SPTSSA: variants seen among roughly 807,000 people sequenced by gnomAD.
SPTSSA encodes the protein serine palmitoyltransferase small subunit A, also known as small subunit of serine palmitoyltransferase A.
A neutral mutation model predicts 9.1 loss-of-function variants in SPTSSA; 8 were observed. That is an observed-to-expected ratio of 0.88 (90% CI 0.51 to 1.58). The LOEUF (loss-of-function observed/expected upper bound fraction) is 1.58, where lower values mean the gene tolerates loss of function less well. Ranked by LOEUF, SPTSSA falls within the 40% of genes most tolerant of loss-of-function variation. The pLI is 0.00. For synonymous variants in SPTSSA, 42 were observed against 37.7 expected, an observed-to-expected ratio of 1.11 and a Z score of -0.41; for missense variants, 100 against 93.8, an observed-to-expected ratio of 1.07 and a Z score of -0.27.
At chr14:34,435,370 A>G in intron 1 of SPTSSA, 66 bp from the exon 2 acceptor site, 1 of 1,168,760 alleles carries the variant, frequency 8.6e-7, no homozygotes. Context: ...ACATGTCTTC[A>G]ACAACTCTTT....
In SPTSSA at chr14:34,435,042, T is replaced by C; in HGVS notation, c.*159A>G. ...AATTAAAAATAAAGAACACAACACA[T>C]GAGTCAGGATGATTTTCCTGTTCTA... On this transcript the variant is annotated 3_prime_UTR_variant, in exon 2 of 2. Transcript: ENST00000298130. 2.0e-6 allele frequency: 1 copy of C among 500,740 alleles called. No homozygotes were observed. The highest frequency in any genetic ancestry group is 3.6e-6 in the Non-Finnish European group (1 of 277,434). The allele number at this position is 500,740 out of a possible 1,614,324, so 31.0% of individuals were successfully genotyped here.
chr14:34,451,858 T>C (rs1367905531), intron 1 of SPTSSA, among the ~76,000 whole-genome samples: 2 of 152,162 alleles, frequency 1.3e-5, no homozygotes, highest in Non-Finnish European at 1.5e-5. Context: ...TGCTGTTTAC[T>C]GAAAAGCAAT....
At position 34,457,765 on chromosome 14, in the gene SPTSSA, A is replaced by G. The variant is rs140328560; in HGVS notation, c.112+4331T>C. On this transcript the variant is annotated intron_variant, in intron 1 of 1. Coordinates refer to ENST00000298130, the MANE Select transcript of SPTSSA (RefSeq NM_138288.4). ...AGTGGGGGGATCACTTGAGGTCAGG[A>G]GTTCAAGATCAGCCTGGCTAACATG... Among the ~76,000 whole-genome samples the G allele has an allele frequency of 4.5e-3, 678 of 152,210 alleles. 4 individuals are homozygous for G. The highest frequency in any genetic ancestry group is 0.014 in the African/African-American group (598 of 41,518).
Position 34,448,770 on chromosome 14 carries a change from C to A in SPTSSA, c.112+13326G>T, listed in dbSNP as rs865784769. ...GTTCAAGATGCCAAGAACCAGGATA[C>A]CCTCCACCATTAACACCAAGAATAT... On this transcript the variant is annotated intron_variant, in intron 1 of 1. Transcript: ENST00000298130. 3.9e-5 allele frequency among the ~76,000 whole-genome samples: 6 copies of A among 152,208 alleles called. No individual in the cohort carries two copies. The South Asian group carries it at 1.0e-3, about 26-fold the overall frequency.
rs762008403 is a variant in SPTSSA at position 34,434,249 on chromosome 14, AC to A, written c.*951del. The A allele has an allele frequency of 7.2e-5, 11 of 152,640 alleles. No individual in the cohort carries two copies. The highest frequency in any genetic ancestry group is 1.3e-4 in the Admixed American group (2 of 15,278). The allele number at this position is 152,640 out of a possible 1,614,324, so 9.5% of individuals were successfully genotyped here. A position where few individuals can be genotyped will look rare whatever the true frequency, so the allele number is the denominator to read the frequency against. On this transcript the variant is annotated 3_prime_UTR_variant, in exon 2 of 2. Transcript: ENST00000298130. ...TTAAGGAATAAAAACCTTAAAAAAA[AC>A]AATACAAAGAGTGAAAGGATTTTAA...
At chr14:34,447,090 G>A (rs139981526) in intron 1 of SPTSSA, among the ~76,000 whole-genome samples, 1,645 of 151,894 alleles carry the variant, frequency 0.011, 33 homozygotes, top group African/African-American at 0.038. Flanking sequence ...CGGCCGTGGT[G>A]GCAGGCACCT....
chr14:34,448,166 G>A (rs1043931950), intron 1 of SPTSSA, among the ~76,000 whole-genome samples: 12 of 152,010 alleles, frequency 7.9e-5, no homozygotes, highest in African/African-American at 2.9e-4. Flanking sequence ...TGAGGCAGGA[G>A]AATCGCTTGA....
At chr14:34,456,653 T>C (rs1878482546) in intron 1 of SPTSSA, among the ~76,000 whole-genome samples, 1 of 151,494 alleles carries the variant, frequency 6.6e-6, no homozygotes, top group Non-Finnish European at 1.5e-5. Flanking sequence ...ATCCCAGCAC[T>C]TTGGGAGGCT....
Position 34,461,519 on chromosome 14 carries a change from TAC to T in SPTSSA, c.112+575_112+576del, listed in dbSNP as rs142457550. Among the ~76,000 whole-genome samples, 1,423 of 152,296 alleles carry T rather than the reference TAC, an allele frequency of 9.3e-3. 11 individuals are homozygous for T. Among genetic ancestry groups the T allele is most frequent in the Non-Finnish European group, 0.013 (903 of 68,026 alleles). On this transcript the variant is annotated intron_variant, in intron 1 of 1. Coordinates refer to ENST00000298130, the MANE Select transcript of SPTSSA (RefSeq NM_138288.4). ...ACGGACGGTGCACAGAAGCAATAAA[TAC>T]ACTTTTAAAACTCCCCAACTTGAAG...
At chr14:34,439,551 C>T (rs1384760310) in intron 1 of SPTSSA, among the ~76,000 whole-genome samples, 2 of 152,156 alleles carry the variant, frequency 1.3e-5, no homozygotes, top group Non-Finnish European at 2.9e-5. Flanking sequence ...GACTACCATG[C>T]TACTTTTCCA....
chr14:34,450,233 C>T (rs1883495772), intron 1 of SPTSSA, among the ~76,000 whole-genome samples: 1 of 152,146 alleles, frequency 6.6e-6, no homozygotes, highest in Non-Finnish European at 1.5e-5. Flanking sequence ...CCAAGTTCAT[C>T]CTGCTACTAA....
intron 1 of SPTSSA, among the ~76,000 whole-genome samples, chr14:34,442,568 C>A (rs1183991009): frequency 6.6e-6 from 1 of 152,210 alleles, no homozygotes; most frequent in Non-Finnish European, 1.5e-5. Context: ...TAATACTAGG[C>A]CCTCCTTAGA....
chr14:34,440,140 AAAT>A (rs1361732641), intron 1 of SPTSSA, among the ~76,000 whole-genome samples: 2 of 152,232 alleles, frequency 1.3e-5, no homozygotes, highest in Admixed American at 6.5e-5. Context: ...TTAAACAGAG[AAAT>A]AATATTATTT....
intron 1 of SPTSSA, among the ~76,000 whole-genome samples, chr14:34,461,675 AG>A (rs1878617113): frequency 1.3e-5 from 2 of 152,382 alleles, no homozygotes; most frequent in South Asian, 2.1e-4. Flanking sequence ...CAACTAAATC[AG>A]GAACACTTAA....
At chr14:34,458,965 C>T (rs1176658442) in intron 1 of SPTSSA, among the ~76,000 whole-genome samples, 5 of 140,290 alleles carry the variant, frequency 3.6e-5, no homozygotes, top group African/African-American at 8.3e-5. Context: ...AGTGCAGTGG[C>T]GTGATCTCGG....
intron 1 of SPTSSA, among the ~76,000 whole-genome samples, chr14:34,447,570 G>C (rs1883442777): frequency 6.6e-6 from 1 of 152,130 alleles, no homozygotes; most frequent in Non-Finnish European, 1.5e-5. Context: ...AACTGAGAGT[G>C]GTGCTATGGC....
intron 1 of SPTSSA, among the ~76,000 whole-genome samples, chr14:34,460,259 C>A (rs1354204763): frequency 2.6e-5 from 4 of 151,978 alleles, no homozygotes; most frequent in Admixed American, 6.6e-5. Context: ...AATTCAATAA[C>A]GTGAAATTTG....
At chr14:34,450,445 G>A (rs982514023) in intron 1 of SPTSSA, among the ~76,000 whole-genome samples, 5 of 152,062 alleles carry the variant, frequency 3.3e-5, no homozygotes, top group Admixed American at 2.6e-4. Flanking sequence ...AAATTAATCC[G>A]TTTTATGCAA....
chr14:34,445,175 G>C (rs114226862), intron 1 of SPTSSA, among the ~76,000 whole-genome samples: 1,893 of 151,126 alleles, frequency 0.013, 44 homozygotes, highest in African/African-American at 0.043. Context: ...TTTTCTTTTT[G>C]GTAAAAGGTT....
Sources: gnomAD v4.1 joint callset for allele counts (sites outside exome capture counted in the v4.1 genomes callset) on GRCh38, gnomAD v4.1.1 for gene constraint, MANE v1.5 for transcripts, NCBI Gene and HGNC (gene_info 2026-07-23, HGNC 2026-07-21) for gene names.